TRMT61A: variants seen among roughly 807,000 people sequenced by gnomAD.
TRMT61A encodes the protein tRNA methyltransferase 61A, also known as tRNA (adenine(58)-N(1))-methyltransferase catalytic subunit TRMT61A.
Under a neutral mutation model 21.3 loss-of-function variants are expected in TRMT61A, and 15 were observed. The observed-to-expected ratio is 0.70, with a 90% CI of 0.47 to 1.08. The LOEUF (loss-of-function observed/expected upper bound fraction) is 1.08, where lower values mean the gene tolerates loss of function less well. TRMT61A is among the 50% of genes least tolerant of loss of function. The pLI, the probability that TRMT61A is intolerant of heterozygous loss-of-function variation, is 0.00. For synonymous variants in TRMT61A, 183 were observed against 185.5 expected, an observed-to-expected ratio of 0.99 and a Z score of 0.11; for missense variants, 352 against 426.7, an observed-to-expected ratio of 0.83 and a Z score of 1.54.
rs568396432 is a variant in TRMT61A at position 103,535,259 on chromosome 14, T to C, written c.*438T>C. The C allele has an allele frequency of 2.2e-6, 1 of 453,476 alleles. No individual in the cohort carries two copies. Among genetic ancestry groups the C allele is most frequent in the African/African-American group, 2.0e-5 (1 of 50,226 alleles). The allele number at this position is 453,476 out of a possible 1,614,324, so 28.1% of individuals were successfully genotyped here. A position where few individuals can be genotyped will look rare whatever the true frequency, so the allele number is the denominator to read the frequency against. ...GGCTGCCCCACGGGGCCTGAGACCA[T>C]CTCGTGCTTCTCCAGTCCCCGGGCC... On this transcript the variant is annotated 3_prime_UTR_variant, in exon 4 of 4. Transcript: ENST00000389749.
rs1376243196 is a variant in TRMT61A, at chr14:103,536,589, G to A, written c.*1768G>A. On this transcript the variant is annotated 3_prime_UTR_variant, in exon 4 of 4. Coordinates refer to ENST00000389749, the MANE Select transcript of TRMT61A (RefSeq NM_152307.3). ...AGCTTTGGGGTCAGGCTGTCCCTGG[G>A]GTGTCATGAACTGGGTGACGCACAC... is the stretch of plus-strand genomic sequence containing the variant. 1 of 152,226 alleles carries A rather than the reference G, an allele frequency of 6.6e-6. No individual in the cohort carries two copies. Among genetic ancestry groups the A allele is most frequent in the African/African-American group, 2.4e-5 (1 of 41,414 alleles). The allele number at this position is 152,226 out of a possible 1,614,324, so 9.4% of individuals were successfully genotyped here. A position where few individuals can be genotyped will look rare whatever the true frequency, so the allele number is the denominator to read the frequency against.
chr14:103,532,734 C>G lies in TRMT61A; in HGVS notation c.484C>G (p.Gln162Glu). Residue 162 changes from glutamine (Q) to glutamate (E), a missense_variant, in exon 3 of 4, where the codon CAG (glutamine) becomes GAG (glutamate). Gln to Glu is a conservative substitution (Grantham distance 29). Coordinates refer to ENST00000389749, the MANE Select transcript of TRMT61A (RefSeq NM_152307.3). ...RVGRWVTVRT[Q>E]DVCRSGFGVS... Reference sequence around the variant, plus strand: ...GGGCCGCTGGGTGACTGTGCGCACCCAGGACGTGTGCCGCAGTGGCTTTGG... The same window carrying G: ...GGGCCGCTGGGTGACTGTGCGCACCGAGGACGTGTGCCGCAGTGGCTTTGG... 6.2e-7 allele frequency: 1 copy of G among 1,608,320 alleles called. No individual in the cohort carries two copies. The highest frequency in any genetic ancestry group is 1.1e-5 in the South Asian group (1 of 90,436).
At chr14:103,534,494 GAC>G in intron 3 of TRMT61A, 54 bp from the exon 4 acceptor site, 1 of 1,515,590 alleles carries the variant, frequency 6.6e-7, no homozygotes, top group Non-Finnish European at 8.8e-7. Flanking sequence ...GCTAGGGCCA[GAC>G]GGGCCAGGCT....
Position 103,534,873 on chromosome 14 carries a change from G to A in TRMT61A, c.*52G>A, listed in dbSNP as rs1051679796. The A allele has an allele frequency of 2.0e-6, 3 of 1,527,492 alleles. No homozygotes were observed. Among genetic ancestry groups the A allele is most frequent in the Non-Finnish European group, 2.6e-6 (3 of 1,139,696 alleles). The allele number at this position is 1,527,492 out of a possible 1,614,324, so 94.6% of individuals were successfully genotyped here. On this transcript the variant is annotated 3_prime_UTR_variant, in exon 4 of 4. Coordinates refer to ENST00000389749, the MANE Select transcript of TRMT61A (RefSeq NM_152307.3). ...GCTGGGAGCACTGAAGGGCTGGGCA[G>A]GGAGGCCAGAGGCACCTTATATGGT... is the stretch of plus-strand genomic sequence containing the variant.
At position 103,530,317 on chromosome 14, in the gene TRMT61A, C is replaced by T. The variant is rs890535463; in HGVS notation, c.331+8C>T. 7.0e-6 allele frequency: 11 copies of T among 1,568,466 alleles called. No individual in the cohort carries two copies. Among genetic ancestry groups the T allele is most frequent in the African/African-American group, 2.7e-5 (2 of 74,226 alleles). ...CTGTGGTCTGTGAGTCTGGTGAGTT[C>T]CTCAGGCTGCCTCAGTTTAACGCAG... On this transcript the variant is annotated splice_region_variant and intron_variant, in intron 2 of 3. Coordinates refer to ENST00000389749, the MANE Select transcript of TRMT61A (RefSeq NM_152307.3).
rs2075945113 is a variant in TRMT61A, at chr14:103,529,268, C to G, written c.-30+7C>G. ...GGCAGCAGGAGCGTCGCAGGTGAGA[C>G]TCCGCGGGGTACAGGGTGGCAGGGC... is the stretch of plus-strand genomic sequence containing the variant. On this transcript the variant is annotated splice_region_variant and intron_variant, in intron 1 of 3. Coordinates refer to ENST00000389749, the MANE Select transcript of TRMT61A (RefSeq NM_152307.3). The G allele has an allele frequency of 3.1e-6, 1 of 320,760 alleles. No homozygotes were observed. The highest frequency in any genetic ancestry group is 4.1e-5 in the Admixed American group (1 of 24,114). 19.9% of individuals were successfully genotyped at this position (320,760 alleles called of 1,614,324 possible). A position where few individuals can be genotyped will look rare whatever the true frequency, so the allele number is the denominator to read the frequency against.
chr14:103,532,262 G>A (rs1253367368), intron 2 of TRMT61A, among the ~76,000 whole-genome samples: 1 of 152,154 alleles, frequency 6.6e-6, no homozygotes, highest in Non-Finnish European at 1.5e-5. Context: ...CCAGGCAGCT[G>A]GGCTGCTCTC....
At chr14:103,529,890 A>G (rs2075947642) in intron 1 of TRMT61A, 60 bp from the exon 2 acceptor site, 1 of 1,323,478 alleles carries the variant, frequency 7.6e-7, no homozygotes, top group Non-Finnish European at 1.0e-6. Context: ...CCTTCTACCT[A>G]GACCCTAGGC....
intron 3 of TRMT61A, among the ~76,000 whole-genome samples, chr14:103,533,442 G>A (rs895621662): frequency 3.3e-5 from 5 of 152,202 alleles, no homozygotes; most frequent in African/African-American, 7.2e-5. Flanking sequence ...GGCCTGGTGC[G>A]AACAGCAAGG....
intron 2 of TRMT61A, 115 bp from the exon 3 acceptor site, chr14:103,532,467 G>A: frequency 1.6e-6 from 2 of 1,287,170 alleles, no homozygotes; most frequent in Non-Finnish European, 2.2e-6. Context: ...TGTAGCTTGG[G>A]GTCCTCCCAA....
chr14:103,532,473 C>G (rs2075957852), intron 2 of TRMT61A, 109 bp from the exon 3 acceptor site: 5 of 1,394,300 alleles, frequency 3.6e-6, no homozygotes, highest in Non-Finnish European at 5.0e-6. Flanking sequence ...TTGGGGTCCT[C>G]CCAAGCCCTG....
At position 103,532,979 on chromosome 14, in the gene TRMT61A, C is replaced by T. The variant is rs533582812; in HGVS notation, c.598+131C>T. 1.7e-3 allele frequency: 2,258 copies of T among 1,299,650 alleles called. 59 individuals carry two copies. In the South Asian group the frequency reaches 0.033, roughly 19 times the overall value. 80.5% of individuals were successfully genotyped at this position (1,299,650 alleles called of 1,614,324 possible). On this transcript the variant is annotated intron_variant, in intron 3 of 3. Coordinates refer to ENST00000389749, the MANE Select transcript of TRMT61A (RefSeq NM_152307.3). ...TGGCAGTGGCCAGGCCAGGGCCCCA[C>T]TTTGGCCTGAGGTGAGGAGTGGGTC...
At position 103,534,677 on chromosome 14, in the gene TRMT61A, T is replaced by C; in HGVS notation, c.726T>C (p.Thr242=). The C allele has an allele frequency of 1.2e-6, 2 of 1,610,340 alleles. No individual in the cohort carries two copies. Among genetic ancestry groups the C allele is most frequent in the Non-Finnish European group, 1.7e-6 (2 of 1,179,668 alleles). ...TGCCACAGGTCTACAACGTGCGCACTGTCAGCCTGCCACCGCCCGACCTGG... is the reference window on the plus strand; with the variant it reads ...TGCCACAGGTCTACAACGTGCGCACCGTCAGCCTGCCACCGCCCGACCTGG... ...EVLPQVYNVR[T]VSLPPPDLGT... The change falls in exon 4 of 4, where the codon ACT becomes ACC. Residue 242 remains threonine, a synonymous_variant. Transcript: ENST00000389749.
rs763853129 is a variant in TRMT61A at position 103,534,726 on chromosome 14, G to C, written c.775G>C (p.Gly259Arg). 10 of 1,603,888 alleles carry C rather than the reference G, an allele frequency of 6.2e-6. No homozygotes were observed. Among genetic ancestry groups the C allele is most frequent in the Non-Finnish European group, 7.6e-6 (9 of 1,178,372 alleles). The change falls in exon 4 of 4, where the codon GGC (glycine) becomes CGC (arginine). Residue 259 changes from glycine (G) to arginine (R), a missense_variant. Transcript: ENST00000389749. ...DLGTGTDGPA[G>R]SDTSPFRSGT... ...GGGCACAGGCACAGATGGCCCTGCC[G>C]GCTCCGACACCAGCCCCTTCCGCAG...
intron 3 of TRMT61A, 101 bp from the exon 4 acceptor site, chr14:103,534,449 G>C: frequency 7.1e-7 from 1 of 1,399,108 alleles, no homozygotes; most frequent in Non-Finnish European, 9.6e-7. Flanking sequence ...GCTGTCTTAG[G>C]CTGGCCTCAG....
rs1489259285 is a variant in TRMT61A at position 103,535,411 on chromosome 14, T to A, written c.*590T>A. The A allele has an allele frequency of 2.2e-6, 1 of 451,972 alleles. No individual in the cohort carries two copies. Among genetic ancestry groups the A allele is most frequent in the African/African-American group, 2.0e-5 (1 of 49,886 alleles). 28.0% of individuals were successfully genotyped at this position (451,972 alleles called of 1,614,324 possible). A position where few individuals can be genotyped will look rare whatever the true frequency, so the allele number is the denominator to read the frequency against. ...TGACCCTGCTCTCTGGCCTCCTGGC[T>A]GATGTCACAGCACTGAGCTCAGCCC... On this transcript the variant is annotated 3_prime_UTR_variant, in exon 4 of 4. Coordinates refer to ENST00000389749, the MANE Select transcript of TRMT61A (RefSeq NM_152307.3).
chr14:103,534,462 C>A (rs939685993), intron 3 of TRMT61A, 88 bp from the exon 4 acceptor site: 2 of 1,450,176 alleles, frequency 1.4e-6, no homozygotes, highest in East Asian at 2.4e-5. Flanking sequence ...GGCCTCAGAC[C>A]CTAGGGTGGG....
chr14:103,534,516 C>CT, intron 3 of TRMT61A, 34 bp from the exon 4 acceptor site: 1 of 1,531,394 alleles, frequency 6.5e-7, no homozygotes, highest in Non-Finnish European at 8.8e-7. Flanking sequence ...TCTGCCACCC[C>CT]TGCCCTCTGA....
Position 103,534,786 on chromosome 14 carries a change from G to A in TRMT61A, c.835G>A (p.Gly279Ser), listed in dbSNP as rs1425354966. Reference protein sequence around the residue: ...TPMKEAVGHTGYLTFATKTPG With the variant: ...TPMKEAVGHTSYLTFATKTPG ...CATGAAGGAGGCCGTGGGCCACACC[G>A]GCTACCTGACCTTCGCCACCAAGAC... Residue 279 changes from glycine (G) to serine (S), a missense_variant, in exon 4 of 4, where the codon GGC becomes AGC. Transcript: ENST00000389749. 5.1e-6 allele frequency: 8 copies of A among 1,562,936 alleles called. No individual in the cohort carries two copies. The highest frequency in any genetic ancestry group is 3.5e-5 in the South Asian group (3 of 86,456).
Sources: allele counts gnomAD v4.1 joint callset (sites outside exome capture counted in the v4.1 genomes callset), GRCh38; gene constraint gnomAD v4.1.1; transcripts MANE v1.5; gene names NCBI Gene and HGNC (gene_info 2026-07-23, HGNC 2026-07-21).